Variants in CACNA2D3 observed in about 807,000 individuals in gnomAD.
CACNA2D3 encodes the protein voltage-dependent calcium channel subunit alpha-2/delta-3.
In CACNA2D3, 60 loss-of-function variants were observed where a neutral mutation model predicts 160.6. The ratio of observed to expected loss-of-function variants is 0.37; its 90% CI spans 0.30 to 0.46. The LOEUF (loss-of-function observed/expected upper bound fraction) is 0.46. Among genes scored for constraint, CACNA2D3 ranks in the 20% least tolerant of loss-of-function variants. The probability of loss-of-function intolerance (pLI) is 1.00; values close to 1 mark genes in which losing one functional copy is unlikely to be tolerated. For missense variants in CACNA2D3, 1,205 were observed against 1,365.0 expected, an observed-to-expected ratio of 0.88 and a Z score of 1.85; for synonymous variants, 558 against 492.9, an observed-to-expected ratio of 1.13 and a Z score of -1.75.
At chr3:54,215,312 C>T (rs937746186) in intron 2 of CACNA2D3, among the ~76,000 whole-genome samples, 2 of 152,194 alleles carry the variant, frequency 1.3e-5, no homozygotes, top group African/African-American at 4.8e-5. Context: ...ATCTCCATCA[C>T]CTCACATACT....
chr3:55,032,016 A>G (rs191118069), intron 35 of CACNA2D3, among the ~76,000 whole-genome samples: 2 of 152,220 alleles, frequency 1.3e-5, no homozygotes, highest in Non-Finnish European at 1.5e-5. Flanking sequence ...AGCCTATATG[A>G]GAATTCATAT....
chr3:54,485,318 A>G (rs1700998892), intron 4 of CACNA2D3, among the ~76,000 whole-genome samples: 1 of 152,206 alleles, frequency 6.6e-6, no homozygotes, highest in African/African-American at 2.4e-5. Context: ...TTTGGATTCA[A>G]ATTCATAGGA....
chr3:54,618,374 T>TACACACAC, intron 9 of CACNA2D3, among the ~76,000 whole-genome samples: 1 of 54,586 alleles, frequency 1.8e-5, no homozygotes, highest in African/African-American at 1.1e-4. Flanking sequence ...TATATATATA[T>TACACACAC]GCACACACAC....
intron 27 of CACNA2D3, among the ~76,000 whole-genome samples, chr3:54,929,359 G>C (rs9869460): frequency 0.02 from 3,114 of 152,274 alleles, 115 homozygotes; most frequent in African/African-American, 0.071. Flanking sequence ...AGGACAACCT[G>C]GACCGGTCAG....
At chr3:54,164,410 G>A (rs1440299243) in intron 2 of CACNA2D3, among the ~76,000 whole-genome samples, 1 of 152,248 alleles carries the variant, frequency 6.6e-6, no homozygotes, top group African/African-American at 2.4e-5. Context: ...CACACACTGA[G>A]CGAGCAGTCA....
chr3:54,893,932 G>T (rs1559620077), intron 25 of CACNA2D3, among the ~76,000 whole-genome samples: 1 of 151,774 alleles, frequency 6.6e-6, no homozygotes. Flanking sequence ...GAGCTCTTGG[G>T]CTTTAAGAAT....
intron 3 of CACNA2D3, among the ~76,000 whole-genome samples, chr3:54,375,158 G>T (rs181352486): frequency 6.6e-6 from 1 of 152,124 alleles, no homozygotes; most frequent in Admixed American, 6.5e-5. Context: ...CCGTAAGCCT[G>T]GTCTAGTTGC....
In CACNA2D3 at chr3:54,984,665, A is replaced by G. The variant is rs376865142; in HGVS notation, c.2614A>G (p.Thr872Ala). 1.3e-5 allele frequency: 21 copies of G among 1,559,628 alleles called. No individual in the cohort carries two copies. In the African/African-American group the frequency reaches 2.9e-4, roughly 21 times the overall value. ...ATTTATTTTGGTGTCTGAAGACTACACACAGGTGAGTGAAAATTTTCTACC... is the reference window on the plus strand; with the variant it reads ...ATTTATTTTGGTGTCTGAAGACTACGCACAGGTGAGTGAAAATTTTCTACC... ...NGFILVSEDY[T>A]QTGDFFGEIE... Residue 872 changes from threonine to alanine, a missense_variant, in exon 30 of 38, where the codon ACA (threonine) becomes GCA (alanine). Around this residue, in one of 3 missense-constraint regions of CACNA2D3, gnomAD observed 911 missense variants for 1,002.2 expected, o/e 0.91. Transcript: ENST00000474759.
At chr3:54,177,051 A>G (rs1700692586) in intron 2 of CACNA2D3, among the ~76,000 whole-genome samples, 1 of 152,150 alleles carries the variant, frequency 6.6e-6, no homozygotes, top group African/African-American at 2.4e-5. Flanking sequence ...ATGTGTGTGA[A>G]ATGTTGAGCT....
chr3:54,350,371 A>G (rs959329367), intron 3 of CACNA2D3, among the ~76,000 whole-genome samples: 1 of 151,994 alleles, frequency 6.6e-6, no homozygotes, highest in East Asian at 1.9e-4. Flanking sequence ...TTAAGCATCT[A>G]TTGCATTTTA....
chr3:54,307,258 A>G (rs1703624335), intron 2 of CACNA2D3, among the ~76,000 whole-genome samples: 1 of 152,158 alleles, frequency 6.6e-6, no homozygotes, highest in Admixed American at 6.5e-5. Context: ...GGTGACACTG[A>G]AATTTTTAGA....
intron 12 of CACNA2D3, 103 bp from the exon 13 acceptor site, chr3:54,764,112 AAAG>A (rs1702173146): frequency 2.3e-6 from 3 of 1,285,070 alleles, no homozygotes; most frequent in African/African-American, 1.5e-5. Context: ...TGAAAAGAAA[AAAG>A]AAGGAAACTA....
At chr3:54,537,999 C>T (rs751503609) in intron 5 of CACNA2D3, among the ~76,000 whole-genome samples, 1 of 152,168 alleles carries the variant, frequency 6.6e-6, no homozygotes, top group Non-Finnish European at 1.5e-5. Context: ...GCTCTTCATT[C>T]ACTAACATTT....
In CACNA2D3 at chr3:54,744,516, C is replaced by G. The variant is rs1163347163; in HGVS notation, c.1168-8083C>G. On this transcript the variant is annotated intron_variant, in intron 11 of 37. Transcript: ENST00000474759. ...GCCAAGTTCTCAGTGGATCCTTTGACTCTCCAAGGGTTATAAAAGTTGTAA... is the reference window on the plus strand; with the variant it reads ...GCCAAGTTCTCAGTGGATCCTTTGAGTCTCCAAGGGTTATAAAAGTTGTAA... Among the ~76,000 whole-genome samples, 3 of 152,182 alleles carry G rather than the reference C, an allele frequency of 2.0e-5. 1 individual carries two copies. The highest frequency in any genetic ancestry group is 4.4e-5 in the Non-Finnish European group (3 of 68,034).
At chr3:54,240,748 T>C (rs1701959928) in intron 2 of CACNA2D3, among the ~76,000 whole-genome samples, 1 of 152,172 alleles carries the variant, frequency 6.6e-6, no homozygotes, top group South Asian at 2.1e-4. Context: ...TGTTTTGTTG[T>C]TTTGAGACAG....
intron 2 of CACNA2D3, among the ~76,000 whole-genome samples, chr3:54,226,079 C>A (rs975142736): frequency 3.9e-5 from 6 of 152,036 alleles, no homozygotes; most frequent in African/African-American, 1.5e-4. Context: ...GAGCGTTTAC[C>A]AGCGTTTCTC....
intron 4 of CACNA2D3, among the ~76,000 whole-genome samples, chr3:54,442,466 G>C (rs1700159897): frequency 6.6e-6 from 1 of 152,146 alleles, no homozygotes. Flanking sequence ...TTGGAAGATG[G>C]AATCTGGTAC....
intron 2 of CACNA2D3, among the ~76,000 whole-genome samples, chr3:54,165,918 G>A (rs2107304034): frequency 6.6e-6 from 1 of 152,296 alleles, no homozygotes; most frequent in Middle Eastern, 3.4e-3. Context: ...AGGCAACCAT[G>A]TGGTCACCAG....
chr3:54,613,242 A>G (rs761471752), intron 9 of CACNA2D3, among the ~76,000 whole-genome samples: 7 of 152,232 alleles, frequency 4.6e-5, no homozygotes, highest in Admixed American at 3.3e-4. Flanking sequence ...TTAACAAGGT[A>G]TATCTTTGAT....
Sources: gnomAD v4.1 joint callset for allele counts (sites outside exome capture counted in the v4.1 genomes callset) on GRCh38, gnomAD v4.1.1 for gene constraint, gnomAD v4.1.1 regional missense constraint, MANE v1.5 for transcripts, NCBI Gene and HGNC (gene_info 2026-07-23, HGNC 2026-07-21) for gene names.